FLACC1: variants seen among roughly 807,000 people sequenced by gnomAD.
FLACC1 encodes flagellum associated containing coiled-coil domains 1.
A neutral mutation model predicts 62.8 loss-of-function variants in FLACC1; 66 were observed. The ratio of observed to expected loss-of-function variants is 1.05; its 90% confidence interval spans 0.86 to 1.29. The LOEUF (loss-of-function observed/expected upper bound fraction) is 1.29. Ranked by LOEUF, FLACC1 falls within the 50% of genes most tolerant of loss-of-function variation. The pLI, the probability that FLACC1 is intolerant of heterozygous loss-of-function variation, is 0.00. For synonymous variants in FLACC1, 156 were observed against 161.0 expected (o/e 0.97, Z 0.24); for missense variants, 452 against 489.1 (o/e 0.92, Z 0.71).
In FLACC1 at chr2:201,347,830, G is replaced by A. The variant is rs534499599; in HGVS notation, c.234+424C>T. On this transcript the variant is annotated intron_variant, in intron 4 of 14. Transcript: ENST00000392257. ...TCCCAGGCAGGCGTCAAGAGCCTTC[G>A]AGTTTGGTTCTCATCACCTTCTCCA... 1.0e-3 allele frequency among the ~76,000 whole-genome samples: 153 copies of A among 152,284 alleles called. 2 individuals are homozygous for A. The highest frequency in any genetic ancestry group is 3.3e-3 in the African/African-American group (136 of 41,562).
chr2:201,362,443 G>C, the FLACC1 span, among the ~76,000 whole-genome samples: 1 of 152,014 alleles, frequency 6.6e-6, no homozygotes, highest in East Asian at 1.9e-4. Context: ...TATCCAAAAA[G>C]GAAAATGGGA....
intron 12 of FLACC1, among the ~76,000 whole-genome samples, chr2:201,295,317 T>C (rs1949835269): frequency 6.6e-6 from 1 of 152,124 alleles, no homozygotes; most frequent in Non-Finnish European, 1.5e-5. Flanking sequence ...AACAGAGATA[T>C]AGACCAATGG....
Position 201,289,744 on chromosome 2 carries a change from C to T in FLACC1, c.984G>A (p.Glu328=). The change falls in exon 13 of 15, where the codon GAG becomes GAA. Residue 328 remains glutamate (E), a synonymous_variant. Coordinates refer to ENST00000392257, the MANE Select transcript of FLACC1 (RefSeq NM_001127391.3). ...TATAGTAGAGGTTTGTGTTCAGTGA[C>T]TCTAGGATAAGGGCTTGTGCATGCA... ...EELHAQALIL[E]SLNTNLYYTQ... is the part of the protein sequence containing the mutation. The T allele has an allele frequency of 6.2e-7, 1 of 1,614,176 alleles. No homozygotes were observed. The highest frequency in any genetic ancestry group is 8.5e-7 in the Non-Finnish European group (1 of 1,180,026).
chr2:201,345,737 G>C (rs1250211316), intron 5 of FLACC1, among the ~76,000 whole-genome samples: 1 of 152,170 alleles, frequency 6.6e-6, no homozygotes. Flanking sequence ...AGATATACTT[G>C]ATATGGCATT....
intron 9 of FLACC1, among the ~76,000 whole-genome samples, chr2:201,328,268 A>C (rs1950532146): frequency 6.6e-6 from 1 of 152,186 alleles, no homozygotes; most frequent in Admixed American, 6.5e-5. Context: ...TATATAATTC[A>C]TCCAGGTAAC....
intron 11 of FLACC1, among the ~76,000 whole-genome samples, chr2:201,307,111 A>G (rs1950122921): frequency 1.3e-5 from 2 of 152,216 alleles, no homozygotes; most frequent in South Asian, 4.1e-4. Context: ...ACTTTGGAAA[A>G]TAAGTTTTGG....
chr2:201,306,252 G>A (rs1295384865), intron 11 of FLACC1, among the ~76,000 whole-genome samples: 2 of 152,012 alleles, frequency 1.3e-5, no homozygotes, highest in Non-Finnish European at 2.9e-5. Flanking sequence ...AGAAGGGGGA[G>A]GTGCTACAAC....
intron 12 of FLACC1, among the ~76,000 whole-genome samples, chr2:201,297,106 C>T (rs1248699448): frequency 6.6e-6 from 1 of 152,054 alleles, no homozygotes; most frequent in Non-Finnish European, 1.5e-5. Context: ...CTTAGAACAG[C>T]TGAGGGAGTT....
At chr2:201,323,784 C>CAAAAAAAAAAAAAAAAAA (rs71022362) in intron 9 of FLACC1, among the ~76,000 whole-genome samples, 14 of 52,754 alleles carry the variant, frequency 2.7e-4, no homozygotes, top group South Asian at 1.1e-3. Context: ...CAGACTCTAT[C>CAAAAAAAAAAAAAAAAAA]AAAAAAAAAA....
chr2:201,351,234 T>G, intron 2 of FLACC1, 58 bp downstream of exon 2: 1 of 1,389,128 alleles, frequency 7.2e-7, no homozygotes, highest in Non-Finnish European at 1.0e-6. Context: ...GTGAGAGAAA[T>G]GAGGCTACAA....
chr2:201,349,926 A>G (rs535544283), intron 3 of FLACC1, among the ~76,000 whole-genome samples: 46 of 152,328 alleles, frequency 3.0e-4, no homozygotes, highest in African/African-American at 1.1e-3. Context: ...GAAGCTGTGG[A>G]TGCAGAGGAC....
chr2:201,350,782 C>T lies in FLACC1; in HGVS notation c.114G>A (p.Lys38=). ...LPRKNSTGSS[K]LTPLVPAPKN... ...TTGGAGCTGGTACAAGAGGAGTTAG[C>T]CTGAAAGTGAAAAACAAATAACTAA... The change falls in exon 3 of 15, where the codon AAG becomes AAA. Residue 38 remains lysine, a splice_region_variant and synonymous_variant. Coordinates refer to ENST00000392257, the MANE Select transcript of FLACC1 (RefSeq NM_001127391.3). 2 of 1,610,270 alleles carry T rather than the reference C, an allele frequency of 1.2e-6. No homozygotes were observed. Among genetic ancestry groups the T allele is most frequent in the Middle Eastern group, 1.7e-4 (1 of 6,050 alleles).
At chr2:201,316,640 T>C (rs1321989072) in intron 9 of FLACC1, among the ~76,000 whole-genome samples, 1 of 152,108 alleles carries the variant, frequency 6.6e-6, no homozygotes, top group African/African-American at 2.4e-5. Flanking sequence ...CAAAGAAGGA[T>C]TGGTACCAAT....
chr2:201,344,362 T>A, intron 5 of FLACC1, 99 bp from the exon 6 acceptor site: 1 of 923,190 alleles, frequency 1.1e-6, no homozygotes. Flanking sequence ...AGAGCTGGCC[T>A]GGTGAGAGCT....
intron 12 of FLACC1, chr2:201,290,000 G>A: frequency 1.4e-6 from 1 of 720,042 alleles, no homozygotes; most frequent in African/African-American, 1.8e-5. Flanking sequence ...GGTTCTAATG[G>A]CAATCAGTTA....
At chr2:201,315,082 T>C (rs1247586587) in intron 9 of FLACC1, among the ~76,000 whole-genome samples, 2 of 151,726 alleles carry the variant, frequency 1.3e-5, no homozygotes, top group Admixed American at 6.6e-5. Context: ...AAACAGAACC[T>C]CTTTAAAGCA....
chr2:201,358,377 G>A (rs1486161842), upstream of FLACC1, among the ~76,000 whole-genome samples: 2 of 151,514 alleles, frequency 1.3e-5, no homozygotes, highest in Non-Finnish European at 2.9e-5. Flanking sequence ...CAAGTAGATG[G>A]GACTACACAG....
At chr2:201,293,900 G>A (rs1016796640) in intron 12 of FLACC1, among the ~76,000 whole-genome samples, 10 of 152,202 alleles carry the variant, frequency 6.6e-5, no homozygotes, top group Admixed American at 3.9e-4. Flanking sequence ...ACACCTCTAT[G>A]CAAATAAACT....
chr2:201,324,661 C>T (rs964246980), intron 9 of FLACC1, among the ~76,000 whole-genome samples: 4 of 152,170 alleles, frequency 2.6e-5, no homozygotes, highest in African/African-American at 9.7e-5. Context: ...GAAGTATCTT[C>T]TCAGGCCATA....
Sources: allele counts gnomAD v4.1 joint callset (sites outside exome capture counted in the v4.1 genomes callset), GRCh38; gene constraint gnomAD v4.1.1; transcripts MANE v1.5; gene names NCBI Gene and HGNC (gene_info 2026-07-23, HGNC 2026-07-21).